PCDHA1: variants seen among roughly 807,000 people sequenced by gnomAD.
PCDHA1 encodes the protein protocadherin alpha-1.
In PCDHA1, 42 loss-of-function variants were observed where a neutral mutation model predicts 61.3. The ratio of observed to expected loss-of-function variants is 0.69; its 90% CI spans 0.54 to 0.89. The LOEUF is 0.89. Ranked by LOEUF, PCDHA1 falls within the 40% of genes least tolerant of loss-of-function variation. The probability of loss-of-function intolerance (pLI) is 0.00; values close to 1 mark genes in which losing one functional copy is unlikely to be tolerated. For synonymous variants in PCDHA1, 610 were observed against 553.8 expected (o/e 1.10, Z -1.43); for missense variants, 1,256 against 1,235.3 (o/e 1.02, Z -0.25).
intron 2 of PCDHA1, among the ~76,000 whole-genome samples, chr5:140,981,687 A>ATCATTCATTCAT (rs200213847): frequency 1.1e-4 from 17 of 151,972 alleles, no homozygotes; most frequent in African/African-American, 4.1e-4. Context: ...CCTCCCTTCC[A>ATCATTCATTCAT]TCATTCATTC....
chr5:140,935,242 A>G (rs1054515711), intron 1 of PCDHA1, among the ~76,000 whole-genome samples: 16 of 152,218 alleles, frequency 1.1e-4, no homozygotes, highest in African/African-American at 3.6e-4. Context: ...ATTTTTTAAA[A>G]GATAAAATAC....
intron 1 of PCDHA1, chr5:140,812,725 C>A (rs1158807394): frequency 2.6e-5 from 4 of 152,250 alleles, no homozygotes; most frequent in Admixed American, 6.5e-5. Flanking sequence ...TCCCAAAGCA[C>A]TGGGATTACA....
intron 1 of PCDHA1, among the ~76,000 whole-genome samples, chr5:140,964,119 TAAC>T (rs146855097): frequency 0.014 from 2,059 of 152,320 alleles, 49 homozygotes; most frequent in African/African-American, 0.047. Context: ...AATCACATTC[TAAC>T]AACTAGTAAG....
chr5:140,967,111 T>G, intron 1 of PCDHA1: 1 of 1,612,990 alleles, frequency 6.2e-7, no homozygotes, highest in East Asian at 2.2e-5. Context: ...AGCAGCGGCC[T>G]CGCTGCCTGC....
chr5:140,843,857 A>C, intron 1 of PCDHA1: 1 of 940,372 alleles, frequency 1.1e-6, no homozygotes, highest in Non-Finnish European at 1.6e-6. Context: ...TTTTATAATT[A>C]ATTGAATTTT....
intron 1 of PCDHA1, chr5:140,824,241 G>A (rs2150133437): frequency 6.0e-6 from 9 of 1,494,128 alleles, no homozygotes; most frequent in Non-Finnish European, 4.6e-6. Flanking sequence ...CAAATATTGT[G>A]GTACACAATT....
intron 1 of PCDHA1, among the ~76,000 whole-genome samples, chr5:140,918,164 G>T (rs1156404209): frequency 6.6e-6 from 1 of 152,088 alleles, no homozygotes; most frequent in East Asian, 1.9e-4. Context: ...TATTGTAAAT[G>T]GCATTGTGTT....
chr5:141,010,202 G>A lies in PCDHA1; in HGVS notation c.*265G>A, dbSNP rs1354578914. The A allele has an allele frequency of 2.5e-5, 39 of 1,551,826 alleles. No homozygotes were observed. The highest frequency in any genetic ancestry group is 3.1e-5 in the Non-Finnish European group (36 of 1,147,058). On this transcript the variant is annotated 3_prime_UTR_variant, in exon 4 of 4. Transcript: ENST00000504120. ...CAGACCCAAGTTTCCTTTCTCCTCCGCCGCAAAGGAGAGGCTTCCCAGCCC... is the reference window on the plus strand; with the variant it reads ...CAGACCCAAGTTTCCTTTCTCCTCCACCGCAAAGGAGAGGCTTCCCAGCCC...
intron 1 of PCDHA1, chr5:140,841,359 G>A (rs2150314214): frequency 6.2e-7 from 1 of 1,613,176 alleles, no homozygotes; most frequent in Non-Finnish European, 8.5e-7. Flanking sequence ...GGATCCTGGC[G>A]ACTACTACTC....
At chr5:140,991,984 C>T (rs1393451773) in intron 3 of PCDHA1, among the ~76,000 whole-genome samples, 1 of 151,632 alleles carries the variant, frequency 6.6e-6, no homozygotes, top group Non-Finnish European at 1.5e-5. Context: ...TTCTGCCTAC[C>T]ACCCGGTCTT....
Position 140,824,163 on chromosome 5 carries a change from C to T in PCDHA1, c.2394+35479C>T. 3.1e-6 allele frequency: 5 copies of T among 1,610,816 alleles called. 1 individual carries two copies. The Middle Eastern group carries it at 5.0e-4, about 160-fold the overall frequency. ...TAATATTAACATCCATCTTTCCCTC[C>T]CAATTTTCAAATATTAAATGTCACA... On this transcript the variant is annotated intron_variant, in intron 1 of 3. Transcript: ENST00000504120.
intron 3 of PCDHA1, among the ~76,000 whole-genome samples, chr5:140,989,748 G>A (rs868949345): frequency 1.3e-4 from 20 of 152,192 alleles, no homozygotes; most frequent in African/African-American, 4.8e-4. Context: ...GCCTAATCTG[G>A]AGAAACATAT....
intron 1 of PCDHA1, among the ~76,000 whole-genome samples, chr5:140,886,185 G>A (rs2060887176): frequency 6.6e-6 from 1 of 152,072 alleles, no homozygotes; most frequent in African/African-American, 2.4e-5. Context: ...CCTAATGCTG[G>A]CAAGCAGTAA....
At chr5:140,843,773 T>A in intron 1 of PCDHA1, 1 of 1,456,190 alleles carries the variant, frequency 6.9e-7, no homozygotes. Context: ...GTAGTTACTT[T>A]AAAAGTGTTT....
intron 1 of PCDHA1, chr5:140,852,044 T>C (rs1581270101): frequency 2.2e-6 from 2 of 922,218 alleles, no homozygotes; most frequent in South Asian, 5.0e-5. Context: ...GTTTTTGTTA[T>C]GTGGTTTATA....
chr5:140,846,378 T>C (rs1033282132), intron 1 of PCDHA1, among the ~76,000 whole-genome samples: 4 of 135,270 alleles, frequency 3.0e-5, no homozygotes, highest in Middle Eastern at 3.8e-3. Flanking sequence ...TCTTTCTTTT[T>C]TTTTTTTTTT....
chr5:140,972,469 C>G (rs782470724), intron 1 of PCDHA1, among the ~76,000 whole-genome samples: 6 of 152,054 alleles, frequency 3.9e-5, no homozygotes, highest in Admixed American at 3.9e-4. Context: ...TATTAAACAT[C>G]AGCATTTAAC....
chr5:140,920,519 C>T lies in PCDHA1; in HGVS notation c.2395-58430C>T, dbSNP rs555001599. Among the ~76,000 whole-genome samples the T allele has an allele frequency of 2.9e-4, 44 of 152,246 alleles. 2 individuals are homozygous for T. The highest frequency in any genetic ancestry group is 2.8e-4 in the Non-Finnish European group (19 of 68,008). On this transcript the variant is annotated intron_variant, in intron 1 of 3. Coordinates refer to ENST00000504120, the MANE Select transcript of PCDHA1 (RefSeq NM_018900.4). The stretch of plus-strand genomic sequence containing the variant: ...GTTCTACATACTGTTTTATGCAATT[C>T]GTTAGACTCAGGTTTTCTATTTCAC...
chr5:140,853,840 A>G, intron 1 of PCDHA1: 1 of 986,846 alleles, frequency 1.0e-6, no homozygotes, highest in Non-Finnish European at 1.2e-6. Flanking sequence ...GAAATTTTAG[A>G]TCCATAGCCC....
Sources: allele counts gnomAD v4.1 joint callset (sites outside exome capture counted in the v4.1 genomes callset), GRCh38; gene constraint gnomAD v4.1.1; transcripts MANE v1.5; gene names NCBI Gene and HGNC (gene_info 2026-07-23, HGNC 2026-07-21).